The following MYO16 variants were observed in gnomAD, a reference collection of about 807,000 sequenced individuals.
The protein encoded by MYO16 is myosin XVI.
In MYO16, 94 loss-of-function variants were observed where a neutral mutation model predicts 205.3. The observed-to-expected ratio is 0.46, with a 90% CI of 0.39 to 0.54. The LOEUF is 0.54. Ranked by LOEUF, MYO16 falls within the 20% of genes least tolerant of loss-of-function variation. The pLI is 0.00. For missense variants in MYO16, 2,315 were observed against 2,387.5 expected, an observed-to-expected ratio of 0.97 and a Z score of 0.63; for synonymous variants, 988 against 954.0, an observed-to-expected ratio of 1.04 and a Z score of -0.66.
At chr13:108,986,622 C>CAAAAAA (rs11350100) in intron 20 of MYO16, among the ~76,000 whole-genome samples, 1 of 69,528 alleles carries the variant, frequency 1.4e-5, no homozygotes, top group Non-Finnish European at 2.7e-5. Context: ...AACTCCGTCT[C>CAAAAAA]AAAAAAAAAA....
chr13:108,531,030 A>G, the MYO16 span, among the ~76,000 whole-genome samples: 52 of 151,994 alleles, frequency 3.4e-4, no homozygotes, highest in Non-Finnish European at 6.8e-4. Context: ...TTTAGAAAGT[A>G]TTCAGTCATA....
chr13:108,685,694 C>T (rs1882650423), intron 2 of MYO16, among the ~76,000 whole-genome samples: 1 of 152,144 alleles, frequency 6.6e-6, no homozygotes, highest in Non-Finnish European at 1.5e-5. Flanking sequence ...ACAGCCTGGG[C>T]AGCTTATACA....
chr13:108,760,047 C>G (rs1476860569), intron 4 of MYO16, among the ~76,000 whole-genome samples: 1 of 152,114 alleles, frequency 6.6e-6, no homozygotes, highest in African/African-American at 2.4e-5. Context: ...AAACATTTAT[C>G]TTTTATTGTG....
At chr13:109,172,091 G>C (rs1473875832) in intron 33 of MYO16, among the ~76,000 whole-genome samples, 1 of 152,108 alleles carries the variant, frequency 6.6e-6, no homozygotes, top group Non-Finnish European at 1.5e-5. Context: ...ATCTAAGAAG[G>C]GCTTCCATCA....
chr13:108,753,367 TGACAAAAA>T (rs1566587563), intron 4 of MYO16, among the ~76,000 whole-genome samples: 1 of 32,018 alleles, frequency 3.1e-5, no homozygotes, highest in African/African-American at 1.7e-4. Context: ...CAAAACTCTG[TGACAAAAA>T]AAAAAAAAAA....
At chr13:109,028,361 AAAC>A (rs1397417281) in intron 23 of MYO16, 1 of 279,940 alleles carries the variant, frequency 3.6e-6, no homozygotes, top group East Asian at 1.4e-4. Context: ...AGAAAACAGA[AAAC>A]AAAATGTTTT....
chr13:108,498,469 C>T, the MYO16 span, among the ~76,000 whole-genome samples: 9 of 152,100 alleles, frequency 5.9e-5, no homozygotes, highest in Non-Finnish European at 1.3e-4. Context: ...CTACCACAGA[C>T]GTAATGCCTC....
Position 108,679,078 on chromosome 13 carries a change from C to T in MYO16, c.292+12929C>T, listed in dbSNP as rs116771561. ...ACCCCAGGTAATCACCTCCCAGAGACCCCACCTCCTAGTACCATCACATTG... is the reference window on the plus strand; with the variant it reads ...ACCCCAGGTAATCACCTCCCAGAGATCCCACCTCCTAGTACCATCACATTG... On this transcript the variant is annotated intron_variant, in intron 2 of 34. Coordinates refer to ENST00000457511, the MANE Select transcript of MYO16 (RefSeq NM_001198950.3). Among the ~76,000 whole-genome samples, 1,094 of 152,292 alleles carry T rather than the reference C, an allele frequency of 7.2e-3. 13 individuals carry two copies. Among genetic ancestry groups the T allele is most frequent in the African/African-American group, 0.025 (1,040 of 41,560 alleles).
chr13:109,029,958 A>C (rs1026623077), intron 23 of MYO16, among the ~76,000 whole-genome samples: 1 of 152,156 alleles, frequency 6.6e-6, no homozygotes, highest in Admixed American at 6.5e-5. Flanking sequence ...GATTGTTCAG[A>C]ATATTGATAG....
intron 33 of MYO16, among the ~76,000 whole-genome samples, chr13:109,178,962 C>T (rs1379108566): frequency 1.3e-5 from 2 of 152,236 alleles, no homozygotes; most frequent in African/African-American, 4.8e-5. Context: ...ACAAGTTACT[C>T]TGCATGGTTG....
At chr13:109,087,404 G>C (rs1320565089) in intron 27 of MYO16, among the ~76,000 whole-genome samples, 1 of 152,230 alleles carries the variant, frequency 6.6e-6, no homozygotes, top group Non-Finnish European at 1.5e-5. Flanking sequence ...CCAGCACTTT[G>C]GAAGGCCGAG....
At chr13:108,809,572 G>C (rs527902868) in intron 7 of MYO16, among the ~76,000 whole-genome samples, 1 of 152,090 alleles carries the variant, frequency 6.6e-6, no homozygotes, top group Non-Finnish European at 1.5e-5. Flanking sequence ...TGCTTCGGGC[G>C]GGCAGCAGAT....
At chr13:108,612,292 A>G (rs1215179876) in intron 1 of MYO16, among the ~76,000 whole-genome samples, 1 of 152,194 alleles carries the variant, frequency 6.6e-6, no homozygotes, top group East Asian at 1.9e-4. Context: ...ACAAGGAAAA[A>G]GGAAAAAGAG....
At chr13:108,897,486 G>A (rs1461536989) in intron 14 of MYO16, among the ~76,000 whole-genome samples, 3 of 152,216 alleles carry the variant, frequency 2.0e-5, no homozygotes, top group Admixed American at 1.3e-4. Flanking sequence ...AATAGTTGGT[G>A]TGAGGCAAAA....
chr13:109,181,495 C>T (rs1050537803), intron 34 of MYO16, among the ~76,000 whole-genome samples: 6 of 152,230 alleles, frequency 3.9e-5, no homozygotes, highest in African/African-American at 1.4e-4. Context: ...CAGTCCTGGA[C>T]AGATTGGGCA....
the MYO16 span, among the ~76,000 whole-genome samples, chr13:108,578,728 A>T: frequency 1.3e-5 from 2 of 152,136 alleles, no homozygotes; most frequent in Admixed American, 1.3e-4. Flanking sequence ...ATTCGTCGAG[A>T]TACACATCAC....
At chr13:108,589,112 C>A in the MYO16 span, among the ~76,000 whole-genome samples, 1 of 152,166 alleles carries the variant, frequency 6.6e-6, no homozygotes, top group Non-Finnish European at 1.5e-5. Flanking sequence ...ACTAAATTCA[C>A]AGTGGCTGGG....
At chr13:108,627,467 T>C (rs2139346695), upstream of MYO16, among the ~76,000 whole-genome samples, 1 of 152,300 alleles carries the variant, frequency 6.6e-6, no homozygotes, top group Admixed American at 6.5e-5. Context: ...CACAACACTG[T>C]GCTATCTTGA....
chr13:109,191,805 T>C (rs1208470793), intron 34 of MYO16, among the ~76,000 whole-genome samples: 4 of 152,240 alleles, frequency 2.6e-5, no homozygotes, highest in Non-Finnish European at 5.9e-5. Context: ...ATTATGACTA[T>C]ATCATATTAC....
Sources: allele counts gnomAD v4.1 joint callset (sites outside exome capture counted in the v4.1 genomes callset), GRCh38; gene constraint gnomAD v4.1.1; transcripts MANE v1.5; gene names NCBI Gene and HGNC (gene_info 2026-07-23, HGNC 2026-07-21).